The following GPHN variants were observed in gnomAD, a reference collection of about 807,000 sequenced individuals.
GPHN encodes gephyrin.
A neutral mutation model predicts 95.5 loss-of-function variants in GPHN; 17 were observed. The observed-to-expected ratio is 0.18, with a 90% CI of 0.12 to 0.27. The LOEUF (loss-of-function observed/expected upper bound fraction) is 0.27. Ranked by LOEUF, GPHN falls within the 10% of genes least tolerant of loss-of-function variation. The probability of loss-of-function intolerance (pLI) is 1.00; values close to 1 mark genes in which losing one functional copy is unlikely to be tolerated. For missense variants in GPHN, 660 were observed against 978.1 expected (o/e 0.67, Z 4.34); for synonymous variants, 320 against 322.5 (o/e 0.99, Z 0.08).
chr14:67,487,022 G>C, the GPHN span: 1 of 152,298 alleles, frequency 6.6e-6, no homozygotes, highest in African/African-American at 2.4e-5. Context: ...TGAGTGTGCA[G>C]CTCACAACAG....
intron 5 of GPHN, among the ~76,000 whole-genome samples, chr14:66,890,410 CA>C (rs781415190): frequency 0.14 from 11,013 of 80,150 alleles, 627 homozygotes; most frequent in African/African-American, 0.29. Flanking sequence ...GACCCTGTCT[CA>C]AAAAAAAAAA....
At chr14:66,509,530 G>A (rs1456132025) in intron 1 of GPHN, 2 of 152,326 alleles carry the variant, frequency 1.3e-5, no homozygotes, top group African/African-American at 2.4e-5. Flanking sequence ...AGTTGCTGCA[G>A]GGCATGACTT....
At chr14:66,903,808 G>C (rs1217630398) in intron 5 of GPHN, among the ~76,000 whole-genome samples, 1 of 151,762 alleles carries the variant, frequency 6.6e-6, no homozygotes, top group Non-Finnish European at 1.5e-5. Context: ...TTAATCTGTT[G>C]TAGGTATTTG....
chr14:67,097,059 A>G (rs772872767), intron 12 of GPHN, among the ~76,000 whole-genome samples: 1 of 152,172 alleles, frequency 6.6e-6, no homozygotes, highest in Non-Finnish European at 1.5e-5. Flanking sequence ...TCGTCTGCCA[A>G]CCATTTTTGA....
chr14:67,389,732 A>G, the GPHN span, among the ~76,000 whole-genome samples: 2 of 151,824 alleles, frequency 1.3e-5, no homozygotes, highest in African/African-American at 4.8e-5. Flanking sequence ...AGGTTAGGCT[A>G]GACCATGGTG....
At chr14:67,359,743 G>A in the GPHN span, 1 of 1,611,316 alleles carries the variant, frequency 6.2e-7, no homozygotes, top group South Asian at 1.1e-5. Context: ...GGGCAACCGA[G>A]GCTGCAATAG....
At chr14:67,065,770 T>A (rs972113814) in intron 11 of GPHN, among the ~76,000 whole-genome samples, 80 of 151,682 alleles carry the variant, frequency 5.3e-4, no homozygotes, top group African/African-American at 1.9e-3. Flanking sequence ...TTTTTTTTTT[T>A]TTTGCTTTCC....
At chr14:67,292,703 A>G in the GPHN span, 1 of 1,613,518 alleles carries the variant, frequency 6.2e-7, no homozygotes, top group Non-Finnish European at 8.5e-7. Flanking sequence ...TCCAACGCAC[A>G]AGATCTTGCT....
chr14:66,952,515 A>G (rs1409222808), intron 8 of GPHN, among the ~76,000 whole-genome samples: 1 of 152,140 alleles, frequency 6.6e-6, no homozygotes, highest in Non-Finnish European at 1.5e-5. Flanking sequence ...TTATTTGAAC[A>G]CCTGTTTTCA....
At chr14:67,427,922 G>GC in the GPHN span, among the ~76,000 whole-genome samples, 2,909 of 123,422 alleles carry the variant, frequency 0.024, 102 homozygotes, top group African/African-American at 0.1. Flanking sequence ...GCTCGACAAT[G>GC]CCCTTTTTTT....
At chr14:67,284,584 A>AAAAAAAAAAC in the GPHN span, among the ~76,000 whole-genome samples, 1 of 143,522 alleles carries the variant, frequency 7.0e-6, no homozygotes, top group Non-Finnish European at 1.5e-5. Flanking sequence ...AAAAAAAAAA[A>AAAAAAAAAAC]AAAAGGTTGT....
At chr14:67,443,134 T>C in the GPHN span, among the ~76,000 whole-genome samples, 1 of 152,068 alleles carries the variant, frequency 6.6e-6, no homozygotes, top group African/African-American at 2.4e-5. Context: ...GGTGGGAGGA[T>C]TGCTTGAGCC....
At chr14:66,900,811 C>A (rs1596319814) in intron 5 of GPHN, among the ~76,000 whole-genome samples, 2 of 151,950 alleles carry the variant, frequency 1.3e-5, no homozygotes, top group African/African-American at 4.8e-5. Flanking sequence ...TAGGTTGAAT[C>A]CATATTTTAG....
chr14:67,587,515 T>C, the GPHN span: 1 of 456,466 alleles, frequency 2.2e-6, no homozygotes, highest in African/African-American at 2.0e-5. Context: ...TAGACAGGGA[T>C]GATCCACTGT....
the GPHN span, chr14:67,685,214 G>C: frequency 6.2e-7 from 1 of 1,606,228 alleles, no homozygotes; most frequent in African/African-American, 1.3e-5. Flanking sequence ...CCTGGTTGGG[G>C]GTGGCATGAA....
chr14:67,395,552 G>A, the GPHN span: 39,427 of 1,613,996 alleles, frequency 0.024, 583 homozygotes, highest in Non-Finnish European at 0.028. Context: ...GAAGTACTCC[G>A]TGGATGTTTG....
the GPHN span, chr14:67,690,484 G>A: frequency 2.7e-4 from 379 of 1,405,420 alleles, 2 homozygotes; most frequent in South Asian, 4.2e-3. Context: ...GAGTCGTGGT[G>A]AGCAGGCCTC....
chr14:67,624,717 A>G, the GPHN span, among the ~76,000 whole-genome samples: 50,131 of 152,114 alleles, frequency 0.33, 8,895 homozygotes, highest in African/African-American at 0.46. Flanking sequence ...TGAGATTTGG[A>G]TGGGAACACA....
At chr14:66,585,182 G>A (rs1262777135) in intron 1 of GPHN, among the ~76,000 whole-genome samples, 1 of 152,112 alleles carries the variant, frequency 6.6e-6, no homozygotes, top group African/African-American at 2.4e-5. Flanking sequence ...GTGTAGAGGT[G>A]TTTATAGTAT....
Sources: allele counts gnomAD v4.1 joint callset (sites outside exome capture counted in the v4.1 genomes callset), GRCh38; gene constraint gnomAD v4.1.1; transcripts MANE v1.5; gene names NCBI Gene and HGNC (gene_info 2026-07-23, HGNC 2026-07-21).